CC2D2B: variants seen among roughly 807,000 people sequenced by gnomAD.
CC2D2B encodes the protein coiled-coil and C2 domain containing 2B, also known as protein CC2D2B.
A neutral mutation model predicts 161.2 loss-of-function variants in CC2D2B; 128 were observed. The observed-to-expected ratio is 0.79, with a 90% CI of 0.69 to 0.92. The LOEUF is 0.92. Among genes scored for constraint, CC2D2B ranks in the 40% least tolerant of loss-of-function variants. The probability of loss-of-function intolerance (pLI) is 0.00; values close to 1 mark genes in which losing one functional copy is unlikely to be tolerated. For synonymous variants in CC2D2B, 391 were observed against 449.8 expected (o/e 0.87, Z 1.65); for missense variants, 1,173 against 1,375.1 (o/e 0.85, Z 2.32).
intron 6 of CC2D2B, among the ~76,000 whole-genome samples, chr10:95,933,924 C>G (rs917507976): frequency 2.6e-5 from 4 of 152,232 alleles, no homozygotes; most frequent in Non-Finnish European, 4.4e-5. Context: ...GGAAGATCTG[C>G]TGCTCTCTTC....
In CC2D2B at chr10:96,016,269, T is replaced by C. The variant is rs1045703517; in HGVS notation, c.3585T>C (p.Tyr1195=). The C allele has an allele frequency of 2.0e-5, 33 of 1,613,360 alleles. No homozygotes were observed. The highest frequency in any genetic ancestry group is 2.7e-5 in the Non-Finnish European group (32 of 1,179,626). The stretch of plus-strand genomic sequence containing the variant: ...TCCTTCTCTGTAATTTCTTTCTGTA[T>C]TTTGGAAAGAAGGCACTGGTCCTCT... The part of the protein sequence containing the change: ...HAILLCNFFL[Y]FGKKALVLLG... Residue 1195 remains tyrosine (Y), a synonymous_variant, in exon 30 of 35, where the codon TAT becomes TAC. Coordinates refer to ENST00000646931, the MANE Select transcript of CC2D2B (RefSeq NM_001349008.3).
intron 1 of CC2D2B, among the ~76,000 whole-genome samples, chr10:95,908,904 A>C (rs1207899218): frequency 6.6e-6 from 1 of 151,970 alleles, no homozygotes; most frequent in African/African-American, 2.4e-5. Flanking sequence ...GTTAGATGTA[A>C]ATTTTCAAAA....
At chr10:96,028,575 A>C (rs943348168) in intron 34 of CC2D2B, among the ~76,000 whole-genome samples, 1 of 152,232 alleles carries the variant, frequency 6.6e-6, no homozygotes. Flanking sequence ...GAGGTTCCTC[A>C]AAAAACTAAA....
chr10:95,938,701 AAGAGGCAAGTG>A lies in CC2D2B; in HGVS notation c.669_672+7del, dbSNP rs1464778562. On this transcript the variant is annotated splice_donor_variant and splice_donor_5th_base_variant and coding_sequence_variant and intron_variant, in exon 8 of 35. Coordinates refer to ENST00000646931, the MANE Select transcript of CC2D2B (RefSeq NM_001349008.3). LOFTEE classifies it high-confidence loss of function. ...ATGGAAAATCGCCTGCTTAAACTAG[AAGAGGCAAGTG>A]CACCACCTAACAAGTTAAAACACTG... 9.8e-6 allele frequency: 7 copies of A among 711,246 alleles called. No homozygotes were observed. Among genetic ancestry groups the A allele is most frequent in the Non-Finnish European group, 1.8e-5 (7 of 383,288 alleles). The allele number at this position is 711,246 out of a possible 1,614,324, so 44.1% of individuals were successfully genotyped here.
chr10:95,924,850 T>C lies in CC2D2B; in HGVS notation c.240+6T>C. On this transcript the variant is annotated splice_donor_region_variant and intron_variant, in intron 5 of 34. Transcript: ENST00000646931. ...AAATACATCAAAGGTCCAAGGTGAA[T>C]AACTTTTCTCTTTTTTTACTTTTTA... 1 of 1,536,096 alleles carries C rather than the reference T, an allele frequency of 6.5e-7. No individual in the cohort carries two copies. Among genetic ancestry groups the C allele is most frequent in the Middle Eastern group, 1.7e-4 (1 of 5,934 alleles).
At chr10:96,025,824 C>T (rs2079747161) in intron 33 of CC2D2B, among the ~76,000 whole-genome samples, 2 of 152,172 alleles carry the variant, frequency 1.3e-5, no homozygotes, top group Admixed American at 6.5e-5. Context: ...AGCAGGCTGT[C>T]ATGGAAGCCA....
rs1352103393 is a variant in CC2D2B, at chr10:95,971,225, C to G, written c.1645-841C>G. ...CCAAAATGATGAAATCCCGTCTCTA[C>G]TAAAAATACAAAAATTAGCCAGGTG... On this transcript the variant is annotated intron_variant, in intron 15 of 34. Transcript: ENST00000646931. Among the ~76,000 whole-genome samples, 4 of 151,856 alleles carry G rather than the reference C, an allele frequency of 2.6e-5. No individual in the cohort carries two copies. The East Asian group carries it at 5.8e-4, about 22-fold the overall frequency.
chr10:95,942,855 AT>A lies in CC2D2B; in HGVS notation c.801+3935del, dbSNP rs2076068288. Among the ~76,000 whole-genome samples the A allele has an allele frequency of 2.0e-5, 3 of 152,042 alleles. No homozygotes were observed. In the South Asian group the frequency reaches 6.2e-4, roughly 32 times the overall value. On this transcript the variant is annotated intron_variant, in intron 9 of 34. Coordinates refer to ENST00000646931, the MANE Select transcript of CC2D2B (RefSeq NM_001349008.3). ...TAATCTTGATCCTTTTCTACTGCTT[AT>A]TTTTATATAAAATTATTTTTCCTAA...
At chr10:95,944,498 T>C (rs192516580) in intron 9 of CC2D2B, among the ~76,000 whole-genome samples, 1 of 152,212 alleles carries the variant, frequency 6.6e-6, no homozygotes, top group Non-Finnish European at 1.5e-5. Context: ...ATAGTGACAA[T>C]GCATTTTATC....
chr10:95,926,157 A>T (rs11819376), intron 5 of CC2D2B, among the ~76,000 whole-genome samples: 28,964 of 152,152 alleles, frequency 0.19, 3,752 homozygotes, highest in African/African-American at 0.36. Context: ...GAATTAAAAC[A>T]TGCCTAAATT....
chr10:95,988,390 C>A, intron 20 of CC2D2B, 48 bp downstream of exon 20: 2 of 873,420 alleles, frequency 2.3e-6, no homozygotes, highest in Non-Finnish European at 1.5e-6. Context: ...TTTGTGAAAA[C>A]TGGTCTGCTA....
In CC2D2B at chr10:95,950,050, A is replaced by G. The variant is rs2076347634; in HGVS notation, c.956A>G (p.Tyr319Cys). The G allele has an allele frequency of 7.5e-6, 3 of 398,806 alleles. No homozygotes were observed. The highest frequency in any genetic ancestry group is 1.3e-5 in the Non-Finnish European group (3 of 225,934). 24.7% of individuals were successfully genotyped at this position (398,806 alleles called of 1,614,324 possible). Residue 319 changes from tyrosine to cysteine, a missense_variant, in exon 10 of 35, where the codon TAT becomes TGT. By Grantham distance (194) the Tyr-to-Cys change is radical. This residue lies in a region of CC2D2B where 298 missense variants were observed against 261.2 expected (regional missense o/e 1.14). Transcript: ENST00000646931. ...TTATGCGCAAGGCTTCTCCAACTTT[A>G]TGAATGTTTTCAGGACAGGCAGCAA... ...QVLCARLLQL[Y>C]ECFQDRQQQN...
At chr10:96,022,356 A>G (rs957925368) in intron 32 of CC2D2B, among the ~76,000 whole-genome samples, 3 of 152,120 alleles carry the variant, frequency 2.0e-5, no homozygotes, top group Non-Finnish European at 4.4e-5. Flanking sequence ...TTTCTTATTC[A>G]ACATCTCTTT....
intron 10 of CC2D2B, 45 bp downstream of exon 10, chr10:95,950,150 AAG>A (rs2076350110): frequency 2.5e-6 from 1 of 398,500 alleles, no homozygotes; most frequent in Non-Finnish European, 4.4e-6. Flanking sequence ...AATATTGAAA[AAG>A]AAAAAATTCC....
rs904041147 is a variant in CC2D2B at position 95,958,522 on chromosome 10, A to T, written c.1109+3031A>T. On this transcript the variant is annotated intron_variant, in intron 11 of 34. Transcript: ENST00000646931. The stretch of plus-strand genomic sequence containing the variant: ...ATAAATAAATTAATTAATTAATTAA[A>T]TAAACCACATATAAACAAAATGGAA... Among the ~76,000 whole-genome samples, 31 of 148,128 alleles carry T rather than the reference A, an allele frequency of 2.1e-4. 1 individual carries two copies. Among genetic ancestry groups the T allele is most frequent in the Admixed American group, 3.5e-4 (5 of 14,444 alleles).
chr10:95,923,189 G>A (rs141627658), intron 3 of CC2D2B, among the ~76,000 whole-genome samples: 1 of 151,982 alleles, frequency 6.6e-6, no homozygotes, highest in African/African-American at 2.4e-5. Context: ...TGACCTGCCC[G>A]CCTCGGCTTC....
At chr10:95,930,201 G>C (rs2098547429) in intron 6 of CC2D2B, among the ~76,000 whole-genome samples, 3 of 152,084 alleles carry the variant, frequency 2.0e-5, no homozygotes, top group Admixed American at 1.3e-4. Context: ...CTGTTTGTCT[G>C]TTATTGGTGT....
intron 15 of CC2D2B, 140 bp from the exon 16 acceptor site, chr10:95,971,926 T>G (rs961420462): frequency 9.3e-6 from 4 of 430,504 alleles, no homozygotes; most frequent in Non-Finnish European, 1.5e-5. Context: ...TTTCTCATAA[T>G]CATGTGGATG....
intron 24 of CC2D2B, among the ~76,000 whole-genome samples, chr10:95,997,280 C>T (rs2078267944): frequency 6.6e-6 from 1 of 152,152 alleles, no homozygotes. Context: ...TTTGCCATTA[C>T]AAGCAATATT....
Sources: gnomAD v4.1 joint callset for allele counts (sites outside exome capture counted in the v4.1 genomes callset) on GRCh38, gnomAD v4.1.1 for gene constraint, gnomAD v4.1.1 regional missense constraint, MANE v1.5 for transcripts, NCBI Gene and HGNC (gene_info 2026-07-23, HGNC 2026-07-21) for gene names.